Variants in SSBP3 observed in about 807,000 individuals in gnomAD.
The protein encoded by SSBP3 is single stranded DNA binding protein 3, also known as single-stranded DNA-binding protein 3.
SSBP3 carries 5 observed loss-of-function variants against 69.6 expected under a neutral mutation model. The observed-to-expected ratio is 0.07, with a 90% CI of 0.04 to 0.15. SSBP3 has a LOEUF of 0.15. Ranked by LOEUF, SSBP3 falls within the 10% of genes least tolerant of loss-of-function variation. The pLI, the probability that SSBP3 is intolerant of heterozygous loss-of-function variation, is 1.00. For synonymous variants in SSBP3, 196 were observed against 193.4 expected (o/e 1.01, Z -0.11); for missense variants, 312 against 534.0 (o/e 0.58, Z 4.10).
intron 7 of SSBP3, among the ~76,000 whole-genome samples, chr1:54,254,919 G>T (rs1000778750): frequency 5.3e-5 from 8 of 151,908 alleles, no homozygotes; most frequent in Admixed American, 2.0e-4. Context: ...TGCAGCCTCC[G>T]ACTCCTAGGT....
intron 7 of SSBP3, among the ~76,000 whole-genome samples, chr1:54,253,190 T>G (rs1383582384): frequency 2.0e-4 from 28 of 143,380 alleles, no homozygotes; most frequent in Admixed American, 4.7e-4. Context: ...TTTTTAGTTT[T>G]TGTTTTTTTT....
At chr1:54,313,291 C>T (rs1251123246) in intron 4 of SSBP3, among the ~76,000 whole-genome samples, 2 of 152,002 alleles carry the variant, frequency 1.3e-5, no homozygotes, top group Non-Finnish European at 2.9e-5. Flanking sequence ...TCTGCCTCGC[C>T]AGACAATGGA....
intron 4 of SSBP3, among the ~76,000 whole-genome samples, chr1:54,301,475 C>T (rs1645799893): frequency 6.6e-6 from 1 of 152,222 alleles, no homozygotes; most frequent in Non-Finnish European, 1.5e-5. Context: ...TGCCCAGCCA[C>T]ATCCCTGTTT....
upstream of SSBP3, among the ~76,000 whole-genome samples, chr1:54,407,301 T>G (rs1169950078): frequency 4.6e-5 from 7 of 152,154 alleles, no homozygotes; most frequent in African/African-American, 1.4e-4. Flanking sequence ...GGGCGTCACC[T>G]GGGCGGCCCG....
chr1:54,405,961 A>C (rs759268949), exon 1 of SSBP3: 1 of 1,439,248 alleles, frequency 6.9e-7, no homozygotes, highest in Non-Finnish European at 9.2e-7. Context: ...ACTTTTCCCG[A>C]GCCTGCCCAT....
At chr1:54,244,283 T>C (rs1015009510) in intron 9 of SSBP3, among the ~76,000 whole-genome samples, 6 of 152,198 alleles carry the variant, frequency 3.9e-5, no homozygotes, top group African/African-American at 1.4e-4. Flanking sequence ...TTTGTATTTT[T>C]AGTAGAGACG....
chr1:54,379,011 C>T (rs1190234633), intron 4 of SSBP3, among the ~76,000 whole-genome samples: 1 of 152,214 alleles, frequency 6.6e-6, no homozygotes, highest in Non-Finnish European at 1.5e-5. Flanking sequence ...CTCCTGGCCC[C>T]GCCACCGCCT....
chr1:54,230,617 A>C (rs1161876544), intron 14 of SSBP3, among the ~76,000 whole-genome samples: 1 of 152,162 alleles, frequency 6.6e-6, no homozygotes, highest in Non-Finnish European at 1.5e-5. Context: ...ACCACAACCA[A>C]TTTTGAACGT....
chr1:54,365,449 A>G (rs942741751), intron 4 of SSBP3, among the ~76,000 whole-genome samples: 3 of 152,226 alleles, frequency 2.0e-5, no homozygotes, highest in African/African-American at 7.2e-5. Context: ...CATTGACAGT[A>G]ATACTCTACT....
At chr1:54,237,831 C>T (rs1644525842) in intron 14 of SSBP3, 2 of 298,228 alleles carry the variant, frequency 6.7e-6, no homozygotes, top group South Asian at 6.5e-5. Flanking sequence ...TGCATGACTG[C>T]AGCGTGCGGA....
chr1:54,367,407 T>C (rs1418183643), intron 4 of SSBP3, among the ~76,000 whole-genome samples: 1 of 152,204 alleles, frequency 6.6e-6, no homozygotes, highest in Non-Finnish European at 1.5e-5. Flanking sequence ...ATGCAAGGTT[T>C]CAGGGACGTA....
intron 3 of SSBP3, among the ~76,000 whole-genome samples, chr1:54,404,340 T>C (rs1016495622): frequency 6.6e-6 from 1 of 152,234 alleles, no homozygotes; most frequent in African/African-American, 2.4e-5. Context: ...GTAAGGAGTT[T>C]CTACCCCAAC....
chr1:54,281,304 T>C (rs925382025), intron 5 of SSBP3, 134 bp downstream of exon 5: 5 of 686,098 alleles, frequency 7.3e-6, no homozygotes, highest in Middle Eastern at 4.1e-4. Flanking sequence ...AGGGAAGGAT[T>C]TGAACCAGCA....
At chr1:54,373,257 A>AAGGGAAATT (rs978021364) in intron 4 of SSBP3, among the ~76,000 whole-genome samples, 27 of 152,190 alleles carry the variant, frequency 1.8e-4, no homozygotes, top group Admixed American at 1.2e-3. Context: ...CTGACGGCTG[A>AAGGGAAATT]AGGGAAATTT....
At chr1:54,399,545 T>C (rs1168202087) in intron 4 of SSBP3, among the ~76,000 whole-genome samples, 1 of 152,174 alleles carries the variant, frequency 6.6e-6, no homozygotes, top group Non-Finnish European at 1.5e-5. Context: ...TTTATAGATA[T>C]GGAGATGAAG....
intron 4 of SSBP3, among the ~76,000 whole-genome samples, chr1:54,342,401 A>C (rs1397175770): frequency 1.3e-5 from 2 of 152,254 alleles, no homozygotes; most frequent in Non-Finnish European, 2.9e-5. Context: ...TGGGTGGATC[A>C]ATAGCCCTCT....
intron 7 of SSBP3, chr1:54,255,761 T>C (rs561493980): frequency 1.3e-5 from 2 of 152,108 alleles, no homozygotes; most frequent in African/African-American, 2.4e-5. Flanking sequence ...GGGAACCCGA[T>C]AGGCAATTTA....
chr1:54,298,913 C>G (rs1645749156), intron 4 of SSBP3, among the ~76,000 whole-genome samples: 1 of 81,616 alleles, frequency 1.2e-5, no homozygotes, highest in Non-Finnish European at 2.7e-5. Flanking sequence ...GCAGAGGCTC[C>G]AAAGTAACAA....
chr1:54,326,491 C>T (rs868583027), intron 4 of SSBP3: 5 of 152,266 alleles, frequency 3.3e-5, no homozygotes, highest in African/African-American at 1.2e-4. Flanking sequence ...GCTTCTCTGC[C>T]CCAAGCTTAT....
Sources: allele counts gnomAD v4.1 joint callset (sites outside exome capture counted in the v4.1 genomes callset), GRCh38; gene constraint gnomAD v4.1.1; transcripts MANE v1.5; gene names NCBI Gene and HGNC (gene_info 2026-07-23, HGNC 2026-07-21).